SIL1: variants seen among roughly 807,000 people sequenced by gnomAD.
SIL1 encodes SIL1 nucleotide exchange factor.
A neutral mutation model predicts 49.1 loss-of-function variants in SIL1; 40 were observed. The ratio of observed to expected loss-of-function variants is 0.81; its 90% CI spans 0.63 to 1.06. The LOEUF (loss-of-function observed/expected upper bound fraction) is 1.06, where lower values mean the gene tolerates loss of function less well. Among genes scored for constraint, SIL1 ranks in the 50% least tolerant of loss-of-function variants. SIL1 has a pLI of 0.00. For missense variants in SIL1, 500 were observed against 572.6 expected (o/e 0.87, Z 1.29); for synonymous variants, 253 against 250.8 (o/e 1.01, Z -0.08).
chr5:138,955,114 C>A (rs1461319311), intron 7 of SIL1, among the ~76,000 whole-genome samples: 1 of 152,200 alleles, frequency 6.6e-6, no homozygotes, highest in Non-Finnish European at 1.5e-5. Flanking sequence ...ACCAGTCCTG[C>A]TGGCTGGAAG....
chr5:139,119,626 T>C (rs1750565438), intron 3 of SIL1, among the ~76,000 whole-genome samples: 1 of 152,132 alleles, frequency 6.6e-6, no homozygotes, highest in South Asian at 2.1e-4. Context: ...CTGGGTGTGG[T>C]GGCTTGCACC....
At chr5:138,975,632 G>A (rs1451584388) in intron 7 of SIL1, among the ~76,000 whole-genome samples, 4 of 152,200 alleles carry the variant, frequency 2.6e-5, no homozygotes, top group Non-Finnish European at 4.4e-5. Flanking sequence ...TGATCTATGT[G>A]ACCAAAAGAA....
At position 138,948,474 on chromosome 5, in the gene SIL1, C is replaced by T. The variant is rs1308605678; in HGVS notation, c.1030-1001G>A. 8.5e-5 allele frequency among the ~76,000 whole-genome samples: 13 copies of T among 152,294 alleles called. No individual in the cohort carries two copies. The South Asian group carries it at 1.9e-3, about 22-fold the overall frequency. ...CCCAAACCCTCACAGCCTGGCATTG[C>T]GGGTGATAAAGACAAAATCAATCCC... On this transcript the variant is annotated intron_variant, in intron 9 of 9. Coordinates refer to ENST00000394817, the MANE Select transcript of SIL1 (RefSeq NM_022464.5). The surrounding 1 kb of genome is among the most constrained non-coding windows in gnomAD (Gnocchi z 4.8).
chr5:138,954,528 G>C (rs1766859176), intron 7 of SIL1, among the ~76,000 whole-genome samples: 1 of 152,248 alleles, frequency 6.6e-6, no homozygotes. Flanking sequence ...GCCCAGGCAA[G>C]GGGTTGAAGA....
chr5:138,973,792 C>T (rs1274818066), intron 7 of SIL1, among the ~76,000 whole-genome samples: 1 of 152,048 alleles, frequency 6.6e-6, no homozygotes, highest in East Asian at 1.9e-4. Context: ...CACTATGTTG[C>T]CCAGGCTGGT....
chr5:139,058,837 C>G (rs1301140844), intron 3 of SIL1, among the ~76,000 whole-genome samples: 1 of 151,692 alleles, frequency 6.6e-6, no homozygotes, highest in Non-Finnish European at 1.5e-5. Flanking sequence ...AGTTTTTTTT[C>G]TTTTTCTTTC....
At chr5:138,997,586 A>G (rs1767898807) in intron 7 of SIL1, among the ~76,000 whole-genome samples, 1 of 152,208 alleles carries the variant, frequency 6.6e-6, no homozygotes, top group South Asian at 2.1e-4. Context: ...GTTTTGAGAC[A>G]GAGTGCTCTG....
chr5:139,030,804 T>C (rs981207593), intron 5 of SIL1, among the ~76,000 whole-genome samples: 27 of 152,258 alleles, frequency 1.8e-4, no homozygotes, highest in Non-Finnish European at 3.1e-4. Context: ...GGCATAATTC[T>C]AAATGTTTCT....
intron 7 of SIL1, among the ~76,000 whole-genome samples, chr5:138,978,397 T>C (rs554351617): frequency 6.6e-6 from 1 of 152,392 alleles, no homozygotes; most frequent in East Asian, 1.9e-4. Flanking sequence ...TGCTAAATAT[T>C]CCATTGTATG....
intron 7 of SIL1, among the ~76,000 whole-genome samples, chr5:139,013,020 T>C (rs1184930424): frequency 6.6e-6 from 1 of 152,252 alleles, no homozygotes; most frequent in Non-Finnish European, 1.5e-5. Context: ...AAATATCTTT[T>C]AATTTATGGG....
chr5:138,963,071 T>C (rs1018117203), intron 7 of SIL1, among the ~76,000 whole-genome samples: 1 of 152,182 alleles, frequency 6.6e-6, no homozygotes, highest in African/African-American at 2.4e-5. Context: ...ATCAACTTTA[T>C]TAGAGAACAC....
At chr5:139,166,730 A>T (rs959801220) in intron 1 of SIL1, among the ~76,000 whole-genome samples, 1 of 151,266 alleles carries the variant, frequency 6.6e-6, no homozygotes, top group African/African-American at 2.4e-5. Flanking sequence ...CTGGAGCCTC[A>T]ACTTTCCAGG....
chr5:139,098,227 T>C (rs1770512158), intron 3 of SIL1, among the ~76,000 whole-genome samples: 1 of 152,208 alleles, frequency 6.6e-6, no homozygotes, highest in Non-Finnish European at 1.5e-5. Context: ...AACAGCATGG[T>C]ACTGGCATAA....
chr5:139,119,775 G>A (rs1388892390), intron 3 of SIL1, among the ~76,000 whole-genome samples: 1 of 152,114 alleles, frequency 6.6e-6, no homozygotes, highest in Non-Finnish European at 1.5e-5. Flanking sequence ...AAGTGAAAGT[G>A]ATACAAGCAA....
intron 3 of SIL1, among the ~76,000 whole-genome samples, chr5:139,089,778 T>C (rs778975724): frequency 7.2e-5 from 11 of 152,108 alleles, no homozygotes; most frequent in Non-Finnish European, 1.3e-4. Context: ...GAAAGGAGCT[T>C]TGTGGTTGTC....
At chr5:139,054,511 T>C (rs956812912) in intron 3 of SIL1, among the ~76,000 whole-genome samples, 1 of 152,210 alleles carries the variant, frequency 6.6e-6, no homozygotes, top group Admixed American at 6.5e-5. Flanking sequence ...AGAAGGATTT[T>C]TACTAGGGCA....
chr5:139,011,764 C>T (rs1046780374), intron 7 of SIL1, among the ~76,000 whole-genome samples: 16 of 152,096 alleles, frequency 1.1e-4, no homozygotes, highest in Admixed American at 6.6e-4. Flanking sequence ...TGTGGGGATG[C>T]TCTGAGGCCT....
chr5:139,130,926 C>T (rs1750850888), intron 1 of SIL1, among the ~76,000 whole-genome samples: 1 of 152,062 alleles, frequency 6.6e-6, no homozygotes, highest in Non-Finnish European at 1.5e-5. Flanking sequence ...CAGACAAATT[C>T]ATTTAGATAG....
intron 7 of SIL1, among the ~76,000 whole-genome samples, chr5:139,014,475 A>G (rs1345822160): frequency 6.6e-6 from 1 of 152,126 alleles, no homozygotes; most frequent in Non-Finnish European, 1.5e-5. Flanking sequence ...GGAAGAAATT[A>G]AGAAGGGGAT....
Sources: allele counts gnomAD v4.1 joint callset (sites outside exome capture counted in the v4.1 genomes callset), GRCh38; gene constraint gnomAD v4.1.1; non-coding constraint Gnocchi (gnomAD v3.1); transcripts MANE v1.5; gene names NCBI Gene and HGNC (gene_info 2026-07-23, HGNC 2026-07-21).